The following RAB11A variants were observed in gnomAD, a reference collection of about 807,000 sequenced individuals.
RAB11A encodes RAB11A, member RAS oncogene family.
A neutral mutation model predicts 28.0 loss-of-function variants in RAB11A; 9 were observed. The ratio of observed to expected loss-of-function variants is 0.32; its 90% CI spans 0.19 to 0.56. The LOEUF (loss-of-function observed/expected upper bound fraction) is 0.56. Ranked by LOEUF, RAB11A falls within the 20% of genes least tolerant of loss-of-function variation. The probability of loss-of-function intolerance (pLI) is 0.91; values close to 1 mark genes in which losing one functional copy is unlikely to be tolerated. For missense variants in RAB11A, 108 were observed against 269.6 expected (o/e 0.40, Z 4.20); for synonymous variants, 85 against 88.2 (o/e 0.96, Z 0.20).
intron 1 of RAB11A, among the ~76,000 whole-genome samples, chr15:65,876,048 A>G (rs1169946296): frequency 1.3e-5 from 2 of 152,238 alleles, no homozygotes; most frequent in African/African-American, 4.8e-5. Flanking sequence ...AAACGTGTGA[A>G]CTCATTTTGA....
chr15:65,878,634 C>T (rs1303024570), intron 3 of RAB11A, among the ~76,000 whole-genome samples: 4 of 152,126 alleles, frequency 2.6e-5, no homozygotes, highest in Admixed American at 6.5e-5. Context: ...GCCGAGATAG[C>T]GCCACTGCAG....
intron 4 of RAB11A, among the ~76,000 whole-genome samples, chr15:65,885,133 GT>G (rs56815495): frequency 0.013 from 1,734 of 129,308 alleles, 25 homozygotes; most frequent in African/African-American, 0.044. Context: ...CATTTATACA[GT>G]TTTTTTTTTT....
rs1428129253 is a variant in RAB11A, at chr15:65,891,716, A to G, written c.*3876A>G. The G allele has an allele frequency of 6.6e-6, 1 of 152,262 alleles. No individual in the cohort carries two copies. The highest frequency in any genetic ancestry group is 1.5e-5 in the Non-Finnish European group (1 of 68,038). 9.4% of individuals were successfully genotyped at this position (152,262 alleles called of 1,614,324 possible). The stretch of plus-strand genomic sequence containing the variant: ...TTTGTGGAATGTTTTTGGTCTTATC[A>G]CAATAACCTGATTAAAATGGTGCCT... On this transcript the variant is annotated 3_prime_UTR_variant, in exon 5 of 5. Transcript: ENST00000261890.
At chr15:65,869,867 G>A (rs1433115569) in intron 1 of RAB11A, 5 of 370,038 alleles carry the variant, frequency 1.4e-5, no homozygotes, top group Non-Finnish European at 2.4e-5. Context: ...GCCCCTCCCT[G>A]CGTGTCCTTC....
chr15:65,886,680 CTTA>C (rs1025159001), intron 4 of RAB11A, among the ~76,000 whole-genome samples: 2 of 152,114 alleles, frequency 1.3e-5, no homozygotes, highest in African/African-American at 4.8e-5. Flanking sequence ...CATACAGATA[CTTA>C]TTGTGGAGGA....
rs2078276728 is a variant in RAB11A at position 65,889,751 on chromosome 15, G to A, written c.*1911G>A. The A allele has an allele frequency of 6.6e-6, 1 of 152,184 alleles. No homozygotes were observed. Among genetic ancestry groups the A allele is most frequent in the Non-Finnish European group, 1.5e-5 (1 of 68,030 alleles). The allele number at this position is 152,184 out of a possible 1,614,324, so 9.4% of individuals were successfully genotyped here. On this transcript the variant is annotated 3_prime_UTR_variant, in exon 5 of 5. Coordinates refer to ENST00000261890, the MANE Select transcript of RAB11A (RefSeq NM_004663.5). ...GGTGGTAGATTTTTTACAAAGTAAG[G>A]AGAAAAGAGAAAAACTAAATAGTGA...
chr15:65,872,253 C>T (rs1471861267), intron 1 of RAB11A, among the ~76,000 whole-genome samples: 2 of 152,048 alleles, frequency 1.3e-5, no homozygotes, highest in East Asian at 3.9e-4. Context: ...TGTGCCTGGC[C>T]TTTGTCAGTT....
Position 65,887,634 on chromosome 15 carries a change from TG to T in RAB11A, c.512-66del. The T allele has an allele frequency of 5.6e-6, 8 of 1,424,556 alleles. No individual in the cohort carries two copies. The South Asian group carries it at 1.1e-4, about 20-fold the overall frequency. The allele number at this position is 1,424,556 out of a possible 1,614,324, so 88.2% of individuals were successfully genotyped here. On this transcript the variant is annotated intron_variant, in intron 4 of 4. Transcript: ENST00000261890. ...GATGCAAATATATCTCCTACCTTTA[TG>T]TATCTTTTATCCTAACTATGATAGG...
chr15:65,886,956 C>T (rs1159960878), intron 4 of RAB11A, among the ~76,000 whole-genome samples: 1 of 151,934 alleles, frequency 6.6e-6, no homozygotes, highest in African/African-American at 2.4e-5. Flanking sequence ...CTTTTTTTCC[C>T]TTCCAAGAAT....
At chr15:65,879,395 C>T (rs1463716813) in intron 3 of RAB11A, among the ~76,000 whole-genome samples, 1 of 151,810 alleles carries the variant, frequency 6.6e-6, no homozygotes, top group Non-Finnish European at 1.5e-5. Flanking sequence ...CCTGTAATCT[C>T]AGCATTTTGG....
intron 1 of RAB11A, among the ~76,000 whole-genome samples, chr15:65,875,392 C>G (rs1006099354): frequency 6.6e-5 from 10 of 152,142 alleles, no homozygotes; most frequent in African/African-American, 2.2e-4. Flanking sequence ...TAATAATAGA[C>G]TATTAACTGA....
chr15:65,887,573 T>C, intron 4 of RAB11A, 128 bp from the exon 5 acceptor site: 1 of 862,934 alleles, frequency 1.2e-6, no homozygotes, highest in Non-Finnish European at 1.6e-6. Flanking sequence ...AAACTTTAAA[T>C]TTATGTATTC....
At chr15:65,880,154 T>C (rs542710262) in intron 4 of RAB11A, among the ~76,000 whole-genome samples, 32 of 152,350 alleles carry the variant, frequency 2.1e-4, no homozygotes, top group African/African-American at 6.5e-4. Context: ...TTAAAAATTA[T>C]AGCGACAAAA....
Position 65,890,131 on chromosome 15 carries a change from C to T in RAB11A, c.*2291C>T, listed in dbSNP as rs1314258559. The T allele has an allele frequency of 6.6e-6, 1 of 151,112 alleles. No homozygotes were observed. Among genetic ancestry groups the T allele is most frequent in the East Asian group, 1.9e-4 (1 of 5,148 alleles). The allele number at this position is 151,112 out of a possible 1,614,324, so 9.4% of individuals were successfully genotyped here. A position where few individuals can be genotyped will look rare whatever the true frequency, so the allele number is the denominator to read the frequency against. Reference sequence around the variant, plus strand: ...GGAGTACAATGGCACCATCTCAGCTCACTGCAAGCTCCACCTCCAGGGTTC... The same window carrying T: ...GGAGTACAATGGCACCATCTCAGCTTACTGCAAGCTCCACCTCCAGGGTTC... On this transcript the variant is annotated 3_prime_UTR_variant, in exon 5 of 5. Coordinates refer to ENST00000261890, the MANE Select transcript of RAB11A (RefSeq NM_004663.5).
intron 3 of RAB11A, 133 bp downstream of exon 3, chr15:65,878,088 TTG>T (rs1567137500): frequency 4.2e-6 from 4 of 952,856 alleles, no homozygotes; most frequent in Admixed American, 3.6e-5. Context: ...TTTTGAAAGT[TTG>T]TGATGACTGT....
At chr15:65,878,362 A>G (rs963242576) in intron 3 of RAB11A, among the ~76,000 whole-genome samples, 8 of 152,204 alleles carry the variant, frequency 5.3e-5, no homozygotes, top group Admixed American at 2.0e-4. Flanking sequence ...ACAGCATGCC[A>G]GAAGACAACA....
intron 1 of RAB11A, among the ~76,000 whole-genome samples, chr15:65,876,151 G>A (rs1445788790): frequency 6.6e-6 from 1 of 152,096 alleles, no homozygotes; most frequent in Non-Finnish European, 1.5e-5. Flanking sequence ...CACTTTGAGT[G>A]AAAAAGAATC....
At chr15:65,880,051 C>G (rs1283889229) in intron 4 of RAB11A, among the ~76,000 whole-genome samples, 1 of 152,102 alleles carries the variant, frequency 6.6e-6, no homozygotes, top group Non-Finnish European at 1.5e-5. Flanking sequence ...TTTAAATGTA[C>G]TTTTATGAGG....
Position 65,869,568 on chromosome 15 carries a change from T to A in RAB11A, c.-18T>A. Reference sequence around the variant, plus strand: ...AGATACCACTGCTGCTCCCGCCCTTTCGCTCCTCGGCCGCGCAATGGGCAC... The same window carrying A: ...AGATACCACTGCTGCTCCCGCCCTTACGCTCCTCGGCCGCGCAATGGGCAC... On this transcript the variant is annotated 5_prime_UTR_variant, in exon 1 of 5. Coordinates refer to ENST00000261890, the MANE Select transcript of RAB11A (RefSeq NM_004663.5). 6.2e-7 allele frequency: 1 copy of A among 1,610,056 alleles called. No individual in the cohort carries two copies. Among genetic ancestry groups the A allele is most frequent in the Non-Finnish European group, 8.5e-7 (1 of 1,179,732 alleles).
Sources: allele counts gnomAD v4.1 joint callset (sites outside exome capture counted in the v4.1 genomes callset), GRCh38; gene constraint gnomAD v4.1.1; transcripts MANE v1.5; gene names NCBI Gene and HGNC (gene_info 2026-07-23, HGNC 2026-07-21).